Variants in APBA2 observed in about 807,000 individuals in gnomAD.
APBA2 encodes amyloid beta precursor protein binding family A member 2, also known as amyloid-beta A4 precursor protein-binding family A member 2.
A neutral mutation model predicts 75.0 loss-of-function variants in APBA2; 30 were observed. The ratio of observed to expected loss-of-function variants is 0.40; its 90% CI spans 0.30 to 0.54. The LOEUF (loss-of-function observed/expected upper bound fraction) is 0.54. Ranked by LOEUF, APBA2 falls within the 20% of genes least tolerant of loss-of-function variation. The pLI, the probability that APBA2 is intolerant of heterozygous loss-of-function variation, is 0.49. For missense variants in APBA2, 801 were observed against 1,016.1 expected (o/e 0.79, Z 2.88); for synonymous variants, 444 against 409.6 (o/e 1.08, Z -1.01).
chr15:29,021,534 T>C (rs1247254283), intron 3 of APBA2, among the ~76,000 whole-genome samples: 1 of 151,946 alleles, frequency 6.6e-6, no homozygotes, highest in Non-Finnish European at 1.5e-5. Context: ...ACTTTGTGAG[T>C]TTAGAGCGAA....
chr15:29,117,376 C>T lies in APBA2; in HGVS notation c.*243C>T, dbSNP rs2045255622. Reference sequence around the variant, plus strand: ...GTAAAGCGTTCCAAGTATTTTGCCACGTTCTGGACTGTCTTCTCCCTGCAC... The same window carrying T: ...GTAAAGCGTTCCAAGTATTTTGCCATGTTCTGGACTGTCTTCTCCCTGCAC... On this transcript the variant is annotated 3_prime_UTR_variant, in exon 15 of 15. Transcript: ENST00000683413. The T allele has an allele frequency of 6.9e-6, 4 of 577,872 alleles. No homozygotes were observed. The highest frequency in any genetic ancestry group is 2.0e-5 in the South Asian group (1 of 50,114). 35.8% of individuals were successfully genotyped at this position (577,872 alleles called of 1,614,324 possible).
intron 9 of APBA2, among the ~76,000 whole-genome samples, chr15:29,100,415 G>T (rs935261742): frequency 2.6e-5 from 4 of 152,272 alleles, no homozygotes; most frequent in Non-Finnish European, 5.9e-5. Context: ...TCCAGAGGTT[G>T]CAGAAACACT....
chr15:28,935,860 T>C (rs2152695099), intron 2 of APBA2, among the ~76,000 whole-genome samples: 1 of 152,372 alleles, frequency 6.6e-6, no homozygotes, highest in African/African-American at 2.4e-5. Context: ...GTTCATGTTC[T>C]TTAACAATAG....
At chr15:29,084,309 AT>A (rs2043199568) in intron 6 of APBA2, among the ~76,000 whole-genome samples, 1 of 152,184 alleles carries the variant, frequency 6.6e-6, no homozygotes, top group African/African-American at 2.4e-5. Context: ...AGAAGGAACA[AT>A]TTTACATAAT....
chr15:28,896,150 G>C (rs1459215750), intron 1 of APBA2, among the ~76,000 whole-genome samples: 5 of 152,148 alleles, frequency 3.3e-5, no homozygotes, highest in African/African-American at 1.2e-4. Context: ...AGCTCTATTT[G>C]ATGCGGGGGT....
chr15:28,982,722 T>G (rs2037689902), intron 2 of APBA2, among the ~76,000 whole-genome samples: 1 of 152,208 alleles, frequency 6.6e-6, no homozygotes, highest in African/African-American at 2.4e-5. Context: ...AAAGCAAGAC[T>G]AGGAAGAGGC....
intron 4 of APBA2, among the ~76,000 whole-genome samples, chr15:29,071,420 C>G (rs2042617531): frequency 6.6e-6 from 1 of 151,696 alleles, no homozygotes; most frequent in African/African-American, 2.4e-5. Flanking sequence ...GCCGCCTTCT[C>G]CGAGTGATGG....
intron 2 of APBA2, among the ~76,000 whole-genome samples, chr15:28,942,297 G>A (rs1451563088): frequency 2.0e-5 from 3 of 152,120 alleles, no homozygotes; most frequent in Non-Finnish European, 4.4e-5. Context: ...CATTTCCCGT[G>A]TAATCCTGTC....
chr15:28,969,974 C>T (rs2036980031), intron 2 of APBA2, among the ~76,000 whole-genome samples: 1 of 152,224 alleles, frequency 6.6e-6, no homozygotes, highest in Non-Finnish European at 1.5e-5. Flanking sequence ...ATGTTTGAGA[C>T]ACACATTCCA....
At chr15:28,936,548 C>T (rs1371537945) in intron 2 of APBA2, among the ~76,000 whole-genome samples, 1 of 152,014 alleles carries the variant, frequency 6.6e-6, no homozygotes, top group African/African-American at 2.4e-5. Context: ...AGCTTTATTC[C>T]CAAGGCACTA....
intron 1 of APBA2, among the ~76,000 whole-genome samples, chr15:28,894,757 C>T (rs1303252466): frequency 6.6e-6 from 1 of 152,022 alleles, no homozygotes; most frequent in Non-Finnish European, 1.5e-5. Context: ...ATTTCTGCAG[C>T]TGGCTTCCCT....
intron 3 of APBA2, among the ~76,000 whole-genome samples, chr15:29,005,108 C>T (rs964780943): frequency 3.9e-5 from 6 of 152,300 alleles, no homozygotes; most frequent in African/African-American, 7.2e-5. Flanking sequence ...ATAGCAAAGG[C>T]GTAGATAGGG....
chr15:28,995,959 G>A lies in APBA2; in HGVS notation c.-41+153G>A, dbSNP rs75390329. On this transcript the variant is annotated intron_variant, in intron 3 of 14. Transcript: ENST00000683413. ...TCTGGGATCCTGTGTGTGTGAGCTT[G>A]GGGAGTTTGAAGCTGGGGTTTGAGT... 3.6e-3 allele frequency among the ~76,000 whole-genome samples: 544 copies of A among 152,252 alleles called. 4 individuals carry two copies. Among genetic ancestry groups the A allele is most frequent in the South Asian group, 0.011 (51 of 4,820 alleles).
intron 4 of APBA2, among the ~76,000 whole-genome samples, chr15:29,061,297 A>G (rs753045129): frequency 1.3e-5 from 2 of 152,216 alleles, no homozygotes; most frequent in Non-Finnish European, 2.9e-5. Flanking sequence ...TTCTCCCTGT[A>G]GAGACTTACT....
intron 3 of APBA2, among the ~76,000 whole-genome samples, chr15:29,022,863 T>C (rs969889198): frequency 2.1e-5 from 3 of 141,760 alleles, no homozygotes; most frequent in Non-Finnish European, 4.4e-5. Flanking sequence ...TTATTTGTTT[T>C]TATCTGGGAA....
At chr15:28,932,038 C>T (rs1055730705) in intron 2 of APBA2, among the ~76,000 whole-genome samples, 4 of 152,154 alleles carry the variant, frequency 2.6e-5, no homozygotes, top group Non-Finnish European at 5.9e-5. Context: ...TGTGCTGCTG[C>T]ATCCCAGGGG....
At chr15:28,972,045 C>T (rs1245803131) in intron 2 of APBA2, among the ~76,000 whole-genome samples, 6 of 151,996 alleles carry the variant, frequency 3.9e-5, no homozygotes, top group East Asian at 1.9e-4. Context: ...GGATAAACAA[C>T]GGGAGATATG....
At chr15:28,978,392 A>C (rs890832588) in intron 2 of APBA2, among the ~76,000 whole-genome samples, 4 of 152,218 alleles carry the variant, frequency 2.6e-5, no homozygotes, top group African/African-American at 9.7e-5. Flanking sequence ...GGAGTTCTGT[A>C]GAGCTTTGAG....
At chr15:29,058,247 A>T (rs1344098567) in intron 4 of APBA2, among the ~76,000 whole-genome samples, 1 of 152,108 alleles carries the variant, frequency 6.6e-6, no homozygotes, top group African/African-American at 2.4e-5. Flanking sequence ...GCAGTGGCTC[A>T]CACTTGTAAT....
Sources: allele counts gnomAD v4.1 joint callset (sites outside exome capture counted in the v4.1 genomes callset), GRCh38; gene constraint gnomAD v4.1.1; transcripts MANE v1.5; gene names NCBI Gene and HGNC (gene_info 2026-07-23, HGNC 2026-07-21).